The following DPP10 variants were observed in gnomAD, a reference collection of about 807,000 sequenced individuals.
The protein encoded by DPP10 is dipeptidyl peptidase like 10.
A neutral mutation model predicts 120.9 loss-of-function variants in DPP10; 33 were observed. The ratio of observed to expected loss-of-function variants is 0.27; its 90% confidence interval spans 0.21 to 0.37. The LOEUF (loss-of-function observed/expected upper bound fraction) is 0.37, where lower values mean the gene tolerates loss of function less well. Ranked by LOEUF, DPP10 falls within the 10% of genes least tolerant of loss-of-function variation. The pLI is 1.00. For synonymous variants in DPP10, 337 were observed against 326.1 expected, an observed-to-expected ratio of 1.03 and a Z score of -0.36; for missense variants, 816 against 942.8, an observed-to-expected ratio of 0.87 and a Z score of 1.76.
intron 1 of DPP10, among the ~76,000 whole-genome samples, chr2:114,937,546 G>A (rs367909029): frequency 4.8e-4 from 73 of 152,242 alleles, no homozygotes; most frequent in East Asian, 3.9e-3. Flanking sequence ...AAGGTTTCAC[G>A]CCCTCTTGAA....
At chr2:115,762,676 G>A in intron 12 of DPP10, 66 bp downstream of exon 12, 1 of 1,566,466 alleles carries the variant, frequency 6.4e-7, no homozygotes, top group Admixed American at 1.7e-5. Flanking sequence ...TTTTTTATGT[G>A]ATAACTTTCT....
intron 1 of DPP10, among the ~76,000 whole-genome samples, chr2:114,605,925 T>C (rs1692750221): frequency 6.6e-6 from 1 of 152,112 alleles, no homozygotes; most frequent in Non-Finnish European, 1.5e-5. Context: ...TCCCTCTTAT[T>C]TGGATATAAG....
chr2:114,767,569 AAG>A (rs898782809), intron 1 of DPP10, among the ~76,000 whole-genome samples: 2 of 152,126 alleles, frequency 1.3e-5, no homozygotes, highest in Admixed American at 1.3e-4. Context: ...ATTCAGAGAA[AAG>A]AGAGATCACA....
intron 1 of DPP10, among the ~76,000 whole-genome samples, chr2:115,071,528 A>T (rs955436963): frequency 6.6e-6 from 1 of 152,182 alleles, no homozygotes; most frequent in Non-Finnish European, 1.5e-5. Flanking sequence ...ACAGAAAGCA[A>T]TCATGACAAA....
At chr2:114,765,220 T>C (rs145564811) in intron 1 of DPP10, among the ~76,000 whole-genome samples, 1 of 152,322 alleles carries the variant, frequency 6.6e-6, no homozygotes, top group East Asian at 1.9e-4. Context: ...TTTTTAACCA[T>C]ACAATAATTA....
chr2:115,014,671 C>A (rs1461113361), intron 1 of DPP10, among the ~76,000 whole-genome samples: 2 of 151,970 alleles, frequency 1.3e-5, no homozygotes, highest in African/African-American at 4.8e-5. Flanking sequence ...CACCACTGAT[C>A]CCAAAGAAAT....
intron 1 of DPP10, among the ~76,000 whole-genome samples, chr2:114,735,536 A>T (rs1677343715): frequency 6.6e-6 from 1 of 152,100 alleles, no homozygotes. Context: ...TTATCCTTCC[A>T]CTTATGAGAT....
At chr2:114,555,407 A>G (rs1224436396) in intron 1 of DPP10, among the ~76,000 whole-genome samples, 2 of 152,246 alleles carry the variant, frequency 1.3e-5, no homozygotes, top group Non-Finnish European at 2.9e-5. Context: ...AGACAGGAAA[A>G]AATAGGCACA....
At chr2:114,597,134 C>T (rs1342939664) in intron 1 of DPP10, among the ~76,000 whole-genome samples, 1 of 151,846 alleles carries the variant, frequency 6.6e-6, no homozygotes, top group Admixed American at 6.6e-5. Context: ...CACTGGTGGC[C>T]AGGCAGAAAA....
At chr2:115,245,106 A>G (rs545743648) in intron 1 of DPP10, among the ~76,000 whole-genome samples, 5 of 152,062 alleles carry the variant, frequency 3.3e-5, no homozygotes, top group Admixed American at 1.3e-4. Context: ...TTGATTTTCC[A>G]TCCCTGAGTT....
In DPP10 at chr2:115,376,430, A is replaced by T. The variant is rs551802262; in HGVS notation, c.271+32518A>T. Among the ~76,000 whole-genome samples the T allele has an allele frequency of 2.0e-5, 3 of 152,054 alleles. No individual in the cohort carries two copies. In the East Asian group the frequency reaches 5.8e-4, roughly 29 times the overall value. On this transcript the variant is annotated intron_variant, in intron 3 of 25. Coordinates refer to ENST00000410059, the MANE Select transcript of DPP10 (RefSeq NM_020868.6). ...GAGTATTGTATTACCAAGTGGAGGGATAATCTTTTTTTTTCCCTTTCCTTT... is the reference window on the plus strand; with the variant it reads ...GAGTATTGTATTACCAAGTGGAGGGTTAATCTTTTTTTTTCCCTTTCCTTT...
intron 1 of DPP10, among the ~76,000 whole-genome samples, chr2:114,775,123 G>A (rs1347376089): frequency 6.6e-6 from 1 of 152,090 alleles, no homozygotes; most frequent in Non-Finnish European, 1.5e-5. Flanking sequence ...AAGAGCATGG[G>A]TAGAGATGCA....
At chr2:114,556,188 C>T (rs1334711741) in intron 1 of DPP10, among the ~76,000 whole-genome samples, 1 of 140,262 alleles carries the variant, frequency 7.1e-6, no homozygotes, top group Admixed American at 7.7e-5. Flanking sequence ...AGGGTGGTGA[C>T]TTGAACTAGG....
rs76042533 is a variant in DPP10, at chr2:114,827,100, C to A, written c.60+384262C>A. Reference sequence around the variant, plus strand: ...GTCAGGAGGGGGCGATTTCTCATTCCTGTGACCTGCTTGGGGGAGAAAAGG... The same window carrying A: ...GTCAGGAGGGGGCGATTTCTCATTCATGTGACCTGCTTGGGGGAGAAAAGG... On this transcript the variant is annotated intron_variant, in intron 1 of 25. Transcript: ENST00000410059. Among the ~76,000 whole-genome samples, 304 of 152,006 alleles carry A rather than the reference C, an allele frequency of 2.0e-3. 1 individual carries two copies. Among genetic ancestry groups the A allele is most frequent in the African/African-American group, 7.1e-3 (293 of 41,450 alleles).
chr2:115,681,756 T>G lies in DPP10; in HGVS notation c.442-7931T>G, dbSNP rs183603004. Among the ~76,000 whole-genome samples the G allele has an allele frequency of 6.1e-5, 9 of 147,728 alleles. 1 individual carries two copies. Among genetic ancestry groups the G allele is most frequent in the African/African-American group, 2.2e-4 (9 of 40,056 alleles). On this transcript the variant is annotated intron_variant, in intron 5 of 25. Transcript: ENST00000410059. ...TTTCTTCCTTTCTCTCTCTCTCTCT[T>G]TCTCTTTCTCCTTCTCTCTCTTTCT...
intron 1 of DPP10, among the ~76,000 whole-genome samples, chr2:115,169,130 C>T (rs2053120594): frequency 6.6e-6 from 1 of 152,136 alleles, no homozygotes; most frequent in Admixed American, 6.5e-5. Context: ...CAAGGTCAAA[C>T]AGATTTCAGA....
At chr2:115,641,010 G>A (rs1009306800) in intron 5 of DPP10, among the ~76,000 whole-genome samples, 1 of 152,086 alleles carries the variant, frequency 6.6e-6, no homozygotes, top group African/African-American at 2.4e-5. Flanking sequence ...CTGGAAAATA[G>A]CTTTGAAAAT....
intron 1 of DPP10, among the ~76,000 whole-genome samples, chr2:115,116,503 A>G (rs980763375): frequency 1.1e-4 from 16 of 152,216 alleles, no homozygotes; most frequent in African/African-American, 3.6e-4. Flanking sequence ...ATCTTAATTT[A>G]TCAGATTCAA....
chr2:115,621,789 C>T (rs1297229050), intron 5 of DPP10, among the ~76,000 whole-genome samples: 1 of 152,158 alleles, frequency 6.6e-6, no homozygotes, highest in South Asian at 2.1e-4. Context: ...AAGCAATTCT[C>T]CCCTCAGATT....
Sources: gnomAD v4.1 joint callset for allele counts (sites outside exome capture counted in the v4.1 genomes callset) on GRCh38, gnomAD v4.1.1 for gene constraint, MANE v1.5 for transcripts, NCBI Gene and HGNC (gene_info 2026-07-23, HGNC 2026-07-21) for gene names.